MAFG: variants seen among roughly 807,000 people sequenced by gnomAD.
MAFG encodes transcription factor MafG.
In MAFG, 3 loss-of-function variants were observed where a neutral mutation model predicts 12.2. That is an observed-to-expected ratio of 0.25 (90% CI 0.11 to 0.64). The LOEUF is 0.64. Among genes scored for constraint, MAFG ranks in the 30% least tolerant of loss-of-function variants. The pLI is 0.85. For synonymous variants in MAFG, 126 were observed against 109.1 expected (o/e 1.15, Z -0.96); for missense variants, 153 against 235.5 (o/e 0.65, Z 2.29).
chr17:81,931,132 A>T (rs1372570453), upstream of MAFG, among the ~76,000 whole-genome samples: 2 of 152,096 alleles, frequency 1.3e-5, no homozygotes, highest in African/African-American at 4.8e-5. Flanking sequence ...CTTAATCAGG[A>T]ACCCACAGTG....
At position 81,922,830 on chromosome 17, in the gene MAFG, C is replaced by T. The variant is rs144043335; in HGVS notation, c.264G>A (p.Gln88=). Residue 88 remains glutamine (Q), a synonymous_variant, in exon 3 of 3, where the codon CAG becomes CAA. Coordinates refer to ENST00000357736, the MANE Select transcript of MAFG (RefSeq NM_002359.4). ...ELEKQKAELQ[Q]EVEKLASENA... is the part of the protein sequence containing the mutation. ...TCTCTGAGGCCAGCTTCTCCACCTCCTGCTGCAGCTCCGCCTTCTGCTTCT... is the reference window on the plus strand; with the variant it reads ...TCTCTGAGGCCAGCTTCTCCACCTCTTGCTGCAGCTCCGCCTTCTGCTTCT... 666 of 1,609,512 alleles carry T rather than the reference C, an allele frequency of 4.1e-4. No homozygotes were observed. The highest frequency in any genetic ancestry group is 5.4e-4 in the Non-Finnish European group (638 of 1,178,136).
At position 81,920,973 on chromosome 17, in the gene MAFG, G is replaced by C. The variant is rs2040883603; in HGVS notation, c.*1632C>G. 1 of 152,402 alleles carries C rather than the reference G, an allele frequency of 6.6e-6. No homozygotes were observed. Among genetic ancestry groups the C allele is most frequent in the African/African-American group, 2.4e-5 (1 of 41,444 alleles). 9.4% of individuals were successfully genotyped at this position (152,402 alleles called of 1,614,324 possible). A position where few individuals can be genotyped will look rare whatever the true frequency, so the allele number is the denominator to read the frequency against. ...AGCCCACGGCGCGGGCAGCCTATAG[G>C]AACAAAGCTGAGGCCAGAGGAAGAC... On this transcript the variant is annotated 3_prime_UTR_variant, in exon 3 of 3. Transcript: ENST00000357736.
chr17:81,930,809 G>C (rs1223414131), upstream of MAFG: 1 of 152,312 alleles, frequency 6.6e-6, no homozygotes, highest in African/African-American at 2.4e-5. This position sits in a 1 kb window ranked among gnomAD's most constrained non-coding sequence, Gnocchi z 4.1. Context: ...AGAGGTGTCA[G>C]AGCTGCTGGT....
Position 81,920,488 on chromosome 17 carries a change from G to C in MAFG, c.*2117C>G, listed in dbSNP as rs545529278. On this transcript the variant is annotated 3_prime_UTR_variant, in exon 3 of 3. Transcript: ENST00000357736. ...AAAAGAAACCAGCAACCCGGTGAAAGGCCAGGGCTCACATGGCCAGACACA... is the reference window on the plus strand; with the variant it reads ...AAAAGAAACCAGCAACCCGGTGAAACGCCAGGGCTCACATGGCCAGACACA... 3.0e-4 allele frequency: 46 copies of C among 152,378 alleles called. No individual in the cohort carries two copies. Among genetic ancestry groups the C allele is most frequent in the African/African-American group, 1.1e-3 (45 of 41,586 alleles). The allele number at this position is 152,378 out of a possible 1,614,324, so 9.4% of individuals were successfully genotyped here.
At chr17:81,929,272 G>A (rs1408208763), upstream of MAFG, among the ~76,000 whole-genome samples, 3 of 152,222 alleles carry the variant, frequency 2.0e-5, no homozygotes, top group Non-Finnish European at 2.9e-5. This position sits in a 1 kb window ranked among gnomAD's most constrained non-coding sequence, Gnocchi z 5.7. Context: ...ATAGAGATGG[G>A]CAGGACGGGC....
chr17:81,923,307 G>C, intron 1 of MAFG, 93 bp from the exon 2 acceptor site: 1 of 772,610 alleles, frequency 1.3e-6, no homozygotes, highest in East Asian at 3.0e-5. Flanking sequence ...AGCCCTTGCC[G>C]CACAGCCCGC....
chr17:81,922,425 T>C lies in MAFG; in HGVS notation c.*180A>G, dbSNP rs1384191358. 4.1e-6 allele frequency: 2 copies of C among 488,952 alleles called. No homozygotes were observed. The highest frequency in any genetic ancestry group is 7.0e-6 in the Non-Finnish European group (2 of 284,972). 30.3% of individuals were successfully genotyped at this position (488,952 alleles called of 1,614,324 possible). A position where few individuals can be genotyped will look rare whatever the true frequency, so the allele number is the denominator to read the frequency against. Reference sequence around the variant, plus strand: ...CAACATACAAAACACACGACGACAATGACGAGATCAAAGGGGCTCAGCCCG... The same window carrying C: ...CAACATACAAAACACACGACGACAACGACGAGATCAAAGGGGCTCAGCCCG... On this transcript the variant is annotated 3_prime_UTR_variant, in exon 3 of 3. Transcript: ENST00000357736.
chr17:81,923,121 C>T (rs2040909515), intron 2 of MAFG, 29 bp downstream of exon 2: 1 of 1,612,052 alleles, frequency 6.2e-7, no homozygotes, highest in Non-Finnish European at 8.5e-7. Context: ...CCGACCCCAG[C>T]CCACAGGCTC....
At chr17:81,927,248 G>C (rs1480694990) in intron 1 of MAFG, among the ~76,000 whole-genome samples, 1 of 151,588 alleles carries the variant, frequency 6.6e-6, no homozygotes, top group East Asian at 1.9e-4. Context: ...CTCCGAGTCC[G>C]CTCCGCACTC....
intron 1 of MAFG, 191 bp from the exon 2 acceptor site, chr17:81,923,405 T>C (rs2040914466): frequency 4.3e-6 from 2 of 464,612 alleles, no homozygotes; most frequent in East Asian, 7.4e-5. Flanking sequence ...CTGCTTCCTG[T>C]CCACCCTGCC....
At chr17:81,925,221 G>A (rs1310901366) in intron 1 of MAFG, among the ~76,000 whole-genome samples, 1 of 152,180 alleles carries the variant, frequency 6.6e-6, no homozygotes, top group Non-Finnish European at 1.5e-5. Flanking sequence ...AGGCTAATAA[G>A]CCCACCTCAC....
Position 81,920,132 on chromosome 17 carries a change from T to C in MAFG, c.*2473A>G, listed in dbSNP as rs750434889. On this transcript the variant is annotated 3_prime_UTR_variant, in exon 3 of 3. Transcript: ENST00000357736. Reference sequence around the variant, plus strand: ...ATGACGTTTTCTTCATGGATACTTATGATATGATTCCAACTAACGCCTGGA... The same window carrying C: ...ATGACGTTTTCTTCATGGATACTTACGATATGATTCCAACTAACGCCTGGA... 8 of 152,198 alleles carry C rather than the reference T, an allele frequency of 5.3e-5. No individual in the cohort carries two copies. Among genetic ancestry groups the C allele is most frequent in the Non-Finnish European group, 1.2e-4 (8 of 68,044 alleles). 9.4% of individuals were successfully genotyped at this position (152,198 alleles called of 1,614,324 possible).
chr17:81,923,392 G>A (rs2040914242), intron 1 of MAFG, 178 bp from the exon 2 acceptor site: 2 of 501,580 alleles, frequency 4.0e-6, no homozygotes, highest in Non-Finnish European at 7.0e-6. Context: ...AGGCTGGGCT[G>A]AGCTGCTTCC....
At chr17:81,931,204 C>T (rs1278680134), upstream of MAFG, among the ~76,000 whole-genome samples, 2 of 152,318 alleles carry the variant, frequency 1.3e-5, no homozygotes, top group Non-Finnish European at 2.9e-5. Flanking sequence ...GTCTGCAGCC[C>T]CCCACACACC....
chr17:81,923,824 G>A (rs1310924803), intron 1 of MAFG, among the ~76,000 whole-genome samples: 1 of 152,240 alleles, frequency 6.6e-6, no homozygotes, highest in Non-Finnish European at 1.5e-5. Context: ...CTCCCTGGGT[G>A]CACAGGGGCC....
rs752972829 is a variant in MAFG at position 81,921,754 on chromosome 17, T to C, written c.*851A>G. ...TACTTTCTTCCCTTTTCCATTCATA[T>C]GGTCAAATGGTCTTCTTGCTTGTTT... On this transcript the variant is annotated 3_prime_UTR_variant, in exon 3 of 3. Transcript: ENST00000357736. The C allele has an allele frequency of 2.6e-5, 4 of 151,980 alleles. No individual in the cohort carries two copies. The highest frequency in any genetic ancestry group is 5.9e-5 in the Non-Finnish European group (4 of 68,002). The allele number at this position is 151,980 out of a possible 1,614,324, so 9.4% of individuals were successfully genotyped here.
In MAFG at chr17:81,919,096, G is replaced by A. The variant is rs2040860391; in HGVS notation, c.*3509C>T. 1 of 152,278 alleles carries A rather than the reference G, an allele frequency of 6.6e-6. No homozygotes were observed. The highest frequency in any genetic ancestry group is 1.5e-5 in the Non-Finnish European group (1 of 68,076). The allele number at this position is 152,278 out of a possible 1,614,324, so 9.4% of individuals were successfully genotyped here. On this transcript the variant is annotated 3_prime_UTR_variant, in exon 3 of 3. Coordinates refer to ENST00000357736, the MANE Select transcript of MAFG (RefSeq NM_002359.4). The stretch of plus-strand genomic sequence containing the variant: ...TCCAAGGCCAGACAGCCAACAGGAA[G>A]GCAAAAATACACCAAAAAGAATTAT...
At position 81,923,043 on chromosome 17, in the gene MAFG, C is replaced by T. The variant is rs759125695; in HGVS notation, c.51G>A (p.Pro17=). 28 of 1,598,974 alleles carry T rather than the reference C, an allele frequency of 1.8e-5. No homozygotes were observed. The highest frequency in any genetic ancestry group is 1.1e-4 in the African/African-American group (8 of 74,618). Residue 17 remains proline, a synonymous_variant, in exon 3 of 3, where the codon CCG becomes CCA. Coordinates refer to ENST00000357736, the MANE Select transcript of MAFG (RefSeq NM_002359.4). The part of the protein sequence containing the change: ...GNKALKVKRE[P]GENGTSLTDE... ...CCGTCAGGCTGGTGCCATTCTCACC[C>T]GGCTCCCGCTTCACCTGGGGCACAG...
upstream of MAFG, among the ~76,000 whole-genome samples, chr17:81,928,838 C>T (rs983862558): frequency 5.9e-5 from 9 of 152,258 alleles, no homozygotes; most frequent in African/African-American, 1.9e-4. The surrounding 1 kb of genome is among the most constrained non-coding windows in gnomAD (Gnocchi z 8.1). Flanking sequence ...TGCTCGCGTC[C>T]TCATCCTACC....
Sources: allele counts gnomAD v4.1 joint callset (sites outside exome capture counted in the v4.1 genomes callset), GRCh38; gene constraint gnomAD v4.1.1; non-coding constraint Gnocchi (gnomAD v3.1); transcripts MANE v1.5; gene names NCBI Gene and HGNC (gene_info 2026-07-23, HGNC 2026-07-21).